Variants in PPP3CB observed in about 807,000 individuals in gnomAD.
PPP3CB encodes the protein protein phosphatase 3 catalytic subunit beta.
Under a neutral mutation model 66.4 loss-of-function variants are expected in PPP3CB, and 8 were observed. That is an observed-to-expected ratio of 0.12 (90% CI 0.07 to 0.22). The LOEUF (loss-of-function observed/expected upper bound fraction) is 0.22, where lower values mean the gene tolerates loss of function less well. Ranked by LOEUF, PPP3CB falls within the 10% of genes least tolerant of loss-of-function variation. The probability of loss-of-function intolerance (pLI) is 1.00; values close to 1 mark genes in which losing one functional copy is unlikely to be tolerated. For missense variants in PPP3CB, 319 were observed against 642.5 expected, an observed-to-expected ratio of 0.50 and a Z score of 5.44; for synonymous variants, 208 against 221.2, an observed-to-expected ratio of 0.94 and a Z score of 0.53.
At chr10:73,488,089 T>G (rs569240702) in intron 1 of PPP3CB, among the ~76,000 whole-genome samples, 1 of 152,210 alleles carries the variant, frequency 6.6e-6, no homozygotes, top group Admixed American at 6.5e-5. Context: ...ATTTCACAAA[T>G]GATAGATAAC....
chr10:73,493,826 C>A (rs2057118370), intron 1 of PPP3CB, among the ~76,000 whole-genome samples: 1 of 152,106 alleles, frequency 6.6e-6, no homozygotes, highest in East Asian at 1.9e-4. Flanking sequence ...TATTCCACAC[C>A]AATAACCTGC....
At chr10:73,446,312 CTGGTTT>C (rs1246315256) in intron 11 of PPP3CB, among the ~76,000 whole-genome samples, 174 bp downstream of exon 11, 4 of 151,872 alleles carry the variant, frequency 2.6e-5, no homozygotes, top group Non-Finnish European at 5.9e-5. Flanking sequence ...GTTGGCCAGG[CTGGTTT>C]CAAACTCCTG....
At chr10:73,482,586 A>C (rs1447667124) in intron 1 of PPP3CB, among the ~76,000 whole-genome samples, 1 of 151,610 alleles carries the variant, frequency 6.6e-6, no homozygotes, top group African/African-American at 2.4e-5. Flanking sequence ...TCTCTAAAAA[A>C]AAAGCTGTGT....
At chr10:73,485,078 G>A (rs1484168046) in intron 1 of PPP3CB, among the ~76,000 whole-genome samples, 2 of 151,976 alleles carry the variant, frequency 1.3e-5, no homozygotes, top group East Asian at 3.9e-4. Context: ...AAACAAAAAA[G>A]AGAGCTACAA....
In PPP3CB at chr10:73,471,455, A is replaced by T; in HGVS notation, c.669+13T>A. The T allele has an allele frequency of 6.3e-7, 1 of 1,585,892 alleles. No individual in the cohort carries two copies. On this transcript the variant is annotated intron_variant, in intron 5 of 13. Coordinates refer to ENST00000360663, the MANE Select transcript of PPP3CB (RefSeq NM_021132.4). ...AAATAGAAATCAATCTCGGAAGTAA[A>T]ATATATACTTACTCTCCTAATATCA...
intron 10 of PPP3CB, among the ~76,000 whole-genome samples, chr10:73,451,553 A>G (rs2056343799): frequency 6.6e-6 from 1 of 151,864 alleles, no homozygotes; most frequent in Non-Finnish European, 1.5e-5. Flanking sequence ...GGAAAACTAA[A>G]TACTATTTTT....
intron 11 of PPP3CB, among the ~76,000 whole-genome samples, chr10:73,445,764 T>G (rs1448191110): frequency 6.8e-6 from 1 of 147,842 alleles, no homozygotes; most frequent in Non-Finnish European, 1.5e-5. Flanking sequence ...TTTTTTTTTT[T>G]CTGAGACAGA....
intron 10 of PPP3CB, among the ~76,000 whole-genome samples, chr10:73,451,734 ACTCAT>A (rs1457229400): frequency 2.9e-5 from 4 of 137,342 alleles, no homozygotes; most frequent in East Asian, 2.1e-4. Context: ...GGGAAACCTC[ACTCAT>A]CTCTTTTTTT....
intron 3 of PPP3CB, among the ~76,000 whole-genome samples, chr10:73,475,744 T>C (rs1012772030): frequency 6.6e-6 from 1 of 152,254 alleles, no homozygotes. Context: ...TGCTATTCTC[T>C]AAATAGATTT....
rs1470799304 is a variant in PPP3CB, at chr10:73,437,592, ACT to A, written c.*648_*649del. Reference sequence around the variant, plus strand: ...GTCTTAAAAGATCTGGGCAAAAAAGACTCTAAATTAGTTTTTGGATTTGTGTT... The same window carrying A: ...GTCTTAAAAGATCTGGGCAAAAAAGACTAAATTAGTTTTTGGATTTGTGTT... On this transcript the variant is annotated 3_prime_UTR_variant, in exon 14 of 14. Coordinates refer to ENST00000360663, the MANE Select transcript of PPP3CB (RefSeq NM_021132.4). 1.3e-5 allele frequency: 2 copies of A among 152,536 alleles called. No homozygotes were observed. Among genetic ancestry groups the A allele is most frequent in the Non-Finnish European group, 2.9e-5 (2 of 68,032 alleles). 9.4% of individuals were successfully genotyped at this position (152,536 alleles called of 1,614,324 possible).
At chr10:73,495,618 A>C in intron 1 of PPP3CB, 187 bp downstream of exon 1, 2 of 798,212 alleles carry the variant, frequency 2.5e-6, no homozygotes, top group Non-Finnish European at 1.7e-6. Context: ...CAACCGGGAG[A>C]CCGCGGAACC....
At chr10:73,477,600 A>G (rs972432330) in intron 3 of PPP3CB, among the ~76,000 whole-genome samples, 3 of 152,190 alleles carry the variant, frequency 2.0e-5, no homozygotes, top group Non-Finnish European at 4.4e-5. Flanking sequence ...ATTGTTCTAC[A>G]TTTGCTGCAT....
intron 1 of PPP3CB, among the ~76,000 whole-genome samples, chr10:73,493,564 TAAGA>T (rs1397046074): frequency 6.6e-6 from 1 of 152,186 alleles, no homozygotes. Context: ...TCTGGATCTG[TAAGA>T]AAGGTGAATT....
Position 73,479,491 on chromosome 10 carries a change from A to G in PPP3CB, c.112T>C (p.Leu38=). The part of the protein sequence containing the change: ...KAVPFPPTHR[L]TSEEVFDLDG... ...AAATCAAATACTTCTTCAGATGTCAAGCGATGTGTTGGGGGGAAAGGGACA... is the reference window on the plus strand; with the variant it reads ...AAATCAAATACTTCTTCAGATGTCAGGCGATGTGTTGGGGGGAAAGGGACA... The change falls in exon 2 of 14, where the codon TTG becomes CTG. Residue 38 remains leucine, a synonymous_variant. Transcript: ENST00000360663. 1 of 1,614,106 alleles carries G rather than the reference A, an allele frequency of 6.2e-7. No individual in the cohort carries two copies. Among genetic ancestry groups the G allele is most frequent in the South Asian group, 1.1e-5 (1 of 91,084 alleles).
intron 9 of PPP3CB, among the ~76,000 whole-genome samples, chr10:73,462,618 A>T (rs2056541246): frequency 6.6e-6 from 1 of 152,068 alleles, no homozygotes; most frequent in Admixed American, 6.6e-5. Context: ...GTATGTTAAT[A>T]AGGAAGAGAG....
At chr10:73,448,205 T>C (rs1018129475) in intron 10 of PPP3CB, among the ~76,000 whole-genome samples, 2 of 152,160 alleles carry the variant, frequency 1.3e-5, no homozygotes, top group African/African-American at 4.8e-5. Flanking sequence ...TCTATATCTA[T>C]AAAACCAAAT....
chr10:73,455,294 G>A (rs2056407579), intron 9 of PPP3CB, among the ~76,000 whole-genome samples: 1 of 152,096 alleles, frequency 6.6e-6, no homozygotes, highest in Non-Finnish European at 1.5e-5. Context: ...AATCCTCTTT[G>A]ACTATTCTGT....
At position 73,442,626 on chromosome 10, in the gene PPP3CB, T is replaced by C. The variant is rs150333114; in HGVS notation, c.1366+2099A>G. ...AAGATCTTGTTTTAATGTACATTCA[T>C]GAAATTCTTTTTAGTTCATTTTTCT... On this transcript the variant is annotated intron_variant, in intron 12 of 13. Transcript: ENST00000360663. Among the ~76,000 whole-genome samples, 42 of 152,232 alleles carry C rather than the reference T, an allele frequency of 2.8e-4. No homozygotes were observed. The East Asian group carries it at 7.9e-3, about 29-fold the overall frequency.
At chr10:73,438,928 T>C (rs2056105936) in intron 13 of PPP3CB, among the ~76,000 whole-genome samples, 1 of 152,104 alleles carries the variant, frequency 6.6e-6, no homozygotes, top group Non-Finnish European at 1.5e-5. Flanking sequence ...CAGAACTATC[T>C]TGGAGGTCAA....
Sources: allele counts gnomAD v4.1 joint callset (sites outside exome capture counted in the v4.1 genomes callset), GRCh38; gene constraint gnomAD v4.1.1; transcripts MANE v1.5; gene names NCBI Gene and HGNC (gene_info 2026-07-23, HGNC 2026-07-21).